Variants in ATRNL1 observed in about 807,000 individuals in gnomAD.
ATRNL1 encodes attractin like 1.
In ATRNL1, 95 loss-of-function variants were observed where a neutral mutation model predicts 182.7. The observed-to-expected ratio is 0.52, with a 90% CI of 0.44 to 0.62. The LOEUF (loss-of-function observed/expected upper bound fraction) is 0.62. ATRNL1 is among the 20% of genes least tolerant of loss of function. The pLI is 0.00. For synonymous variants in ATRNL1, 576 were observed against 568.3 expected, an observed-to-expected ratio of 1.01 and a Z score of -0.19; for missense variants, 1,471 against 1,679.5, an observed-to-expected ratio of 0.88 and a Z score of 2.17.
intron 26 of ATRNL1, among the ~76,000 whole-genome samples, chr10:115,559,482 G>A (rs113598317): frequency 1.8e-4 from 27 of 151,106 alleles, no homozygotes; most frequent in African/African-American, 4.6e-4. Flanking sequence ...CCCTTCTTAC[G>A]TTTTGGTACC....
At chr10:115,120,044 TA>T in intron 1 of ATRNL1, 140 bp from the exon 2 acceptor site, 1 of 566,978 alleles carries the variant, frequency 1.8e-6, no homozygotes. Flanking sequence ...GAAATTTTCC[TA>T]AGTTGTAAAT....
chr10:115,249,127 G>A lies in ATRNL1; in HGVS notation c.1687+7402G>A, dbSNP rs561677840. Among the ~76,000 whole-genome samples the A allele has an allele frequency of 7.9e-5, 12 of 151,878 alleles. No homozygotes were observed. The South Asian group carries it at 2.3e-3, about 29-fold the overall frequency. Reference sequence around the variant, plus strand: ...CTCCCAAGTAGCTGAGATTACAGGCGCCTGCCACCATCTCCGGCTAATTTT... The same window carrying A: ...CTCCCAAGTAGCTGAGATTACAGGCACCTGCCACCATCTCCGGCTAATTTT... On this transcript the variant is annotated intron_variant, in intron 10 of 28. Transcript: ENST00000355044.
intron 26 of ATRNL1, among the ~76,000 whole-genome samples, chr10:115,679,955 G>A (rs1408756073): frequency 6.6e-6 from 1 of 151,904 alleles, no homozygotes; most frequent in African/African-American, 2.4e-5. Flanking sequence ...TCTTCTCCTA[G>A]AACTTAAACA....
intron 20 of ATRNL1, among the ~76,000 whole-genome samples, chr10:115,414,305 C>T: frequency 6.6e-6 from 1 of 151,576 alleles, no homozygotes; most frequent in East Asian, 1.9e-4. Context: ...TTTGAACCTT[C>T]CTTCCCTCCC....
At chr10:115,176,569 G>C (rs1847517519) in intron 8 of ATRNL1, among the ~76,000 whole-genome samples, 1 of 152,086 alleles carries the variant, frequency 6.6e-6, no homozygotes, top group South Asian at 2.1e-4. Flanking sequence ...TAGATGTAGA[G>C]TGTGAGATAA....
intron 27 of ATRNL1, among the ~76,000 whole-genome samples, chr10:115,816,273 G>GTA (rs1430344574): frequency 6.6e-6 from 1 of 152,062 alleles, no homozygotes; most frequent in African/African-American, 2.4e-5. Flanking sequence ...TGCCTACATT[G>GTA]TATCACTAAG....
At chr10:115,156,721 C>G (rs1846535565) in intron 5 of ATRNL1, among the ~76,000 whole-genome samples, 1 of 151,974 alleles carries the variant, frequency 6.6e-6, no homozygotes, top group South Asian at 2.1e-4. Flanking sequence ...TAAAAAACAG[C>G]TGAGATATAC....
intron 18 of ATRNL1, among the ~76,000 whole-genome samples, chr10:115,331,022 G>T (rs1301139389): frequency 6.6e-6 from 1 of 151,020 alleles, no homozygotes; most frequent in Non-Finnish European, 1.5e-5. Context: ...TGAAATCAGT[G>T]ATTCTTCTGC....
At chr10:115,609,650 A>G (rs1354272370) in intron 26 of ATRNL1, among the ~76,000 whole-genome samples, 1 of 151,780 alleles carries the variant, frequency 6.6e-6, no homozygotes, top group Non-Finnish European at 1.5e-5. Flanking sequence ...GCTTTCTCCT[A>G]TTCATTTTTT....
intron 28 of ATRNL1, among the ~76,000 whole-genome samples, chr10:115,911,757 T>C (rs1002535959): frequency 1.3e-5 from 2 of 152,076 alleles, no homozygotes; most frequent in South Asian, 4.1e-4. Context: ...ACCAAGCCCT[T>C]AGCAGGCAGC....
chr10:115,448,785 C>G (rs986744695), intron 21 of ATRNL1, among the ~76,000 whole-genome samples: 5 of 151,904 alleles, frequency 3.3e-5, no homozygotes, highest in African/African-American at 1.2e-4. Flanking sequence ...GCAAGCTAGA[C>G]TTATTTTTGC....
intron 19 of ATRNL1, among the ~76,000 whole-genome samples, chr10:115,383,020 C>T: frequency 6.6e-6 from 1 of 150,750 alleles, no homozygotes; most frequent in African/African-American, 2.4e-5. Context: ...AGAGGAAGTT[C>T]TTTTTATTTC....
Position 115,882,930 on chromosome 10 carries a change from C to T in ATRNL1, c.4018+34939C>T, listed in dbSNP as rs554468768. Among the ~76,000 whole-genome samples the T allele has an allele frequency of 2.5e-4, 38 of 152,324 alleles. No homozygotes were observed. The South Asian group carries it at 3.7e-3, about 15-fold the overall frequency. ...AACCAGTTACAATACATCATAGCTC[C>T]GGCTGTTTGAACTTTCTGGCTCTAG... On this transcript the variant is annotated intron_variant, in intron 28 of 28. Coordinates refer to ENST00000355044, the MANE Select transcript of ATRNL1 (RefSeq NM_207303.4).
intron 14 of ATRNL1, among the ~76,000 whole-genome samples, chr10:115,285,465 T>C (rs992919564): frequency 1.3e-5 from 2 of 152,094 alleles, no homozygotes; most frequent in Non-Finnish European, 2.9e-5. Context: ...TCTAACTTTA[T>C]AGATCAGTAT....
chr10:115,518,365 T>C (rs1215210759), intron 24 of ATRNL1, among the ~76,000 whole-genome samples: 1 of 151,934 alleles, frequency 6.6e-6, no homozygotes, highest in Non-Finnish European at 1.5e-5. Flanking sequence ...TAAAATATTA[T>C]TAAAAGAAAA....
chr10:115,364,638 A>G (rs1263016992), intron 19 of ATRNL1, among the ~76,000 whole-genome samples: 8 of 150,894 alleles, frequency 5.3e-5, no homozygotes, highest in Non-Finnish European at 1.2e-4. Flanking sequence ...CCCATTCAGT[A>G]TGATATTGGC....
At chr10:115,867,154 A>G (rs1385317635) in intron 28 of ATRNL1, among the ~76,000 whole-genome samples, 2 of 152,174 alleles carry the variant, frequency 1.3e-5, no homozygotes, top group Admixed American at 6.5e-5. Context: ...AAATAAAGCC[A>G]TATTTGTCCT....
rs114686510 is a variant in ATRNL1 at position 115,780,918 on chromosome 10, T to A, written c.3903+53563T>A. ...TGTGGCGGCTACAGTGAGAGACTTC[T>A]GCTTCAGCAAAGTGGAGGGAGACCA... On this transcript the variant is annotated intron_variant, in intron 27 of 28. Coordinates refer to ENST00000355044, the MANE Select transcript of ATRNL1 (RefSeq NM_207303.4). 9.4e-3 allele frequency among the ~76,000 whole-genome samples: 1,425 copies of A among 152,310 alleles called. 25 individuals carry two copies. The highest frequency in any genetic ancestry group is 0.033 in the African/African-American group (1,360 of 41,574).
Position 115,823,354 on chromosome 10 carries a change from T to A in ATRNL1, c.3904-24523T>A, listed in dbSNP as rs573848436. On this transcript the variant is annotated intron_variant, in intron 27 of 28. Transcript: ENST00000355044. ...TGGGCAAAAGCTGGAAGCATTCCCT[T>A]TGAAAACTGGCACAAGACAAGGATG... is the stretch of plus-strand genomic sequence containing the variant. 3.3e-5 allele frequency among the ~76,000 whole-genome samples: 5 copies of A among 152,328 alleles called. No homozygotes were observed. In the South Asian group the frequency reaches 1.0e-3, roughly 32 times the overall value.
Sources: allele counts gnomAD v4.1 joint callset (sites outside exome capture counted in the v4.1 genomes callset), GRCh38; gene constraint gnomAD v4.1.1; transcripts MANE v1.5; gene names NCBI Gene and HGNC (gene_info 2026-07-23, HGNC 2026-07-21).